The following XCR1 variants were observed in gnomAD, a reference collection of about 807,000 sequenced individuals.
XCR1 encodes the protein X-C motif chemokine receptor 1, also known as chemokine XC receptor 1.
For missense variants in XCR1, 356 were observed against 424.2 expected (o/e 0.84, Z 1.41); for synonymous variants, 187 against 188.5 (o/e 0.99, Z 0.06).
At chr3:46,029,202 A>AT (rs1387436958), upstream of XCR1, among the ~76,000 whole-genome samples, 2 of 152,084 alleles carry the variant, frequency 1.3e-5, no homozygotes, top group African/African-American at 2.4e-5. Flanking sequence ...TGGTCAATTG[A>AT]TTTTTTGTTT....
rs1708211685 is a variant in XCR1, at chr3:46,023,480, A to T, written c.-31-1502T>A. ...CGTCTTTCACTGGAATTGCAAAGGG[A>T]TAGCCACATGAAACAGCTCCTCCTC... On this transcript the variant is annotated intron_variant, in intron 1 of 1. Transcript: ENST00000309285. 3 of 1,563,804 alleles carry T rather than the reference A, an allele frequency of 1.9e-6. No homozygotes were observed. The African/African-American group carries it at 4.1e-5, about 21-fold the overall frequency.
chr3:46,057,954 A>G (rs34381514), intron 4 of XCR1, among the ~76,000 whole-genome samples: 49,333 of 150,830 alleles, frequency 0.33, 9,986 homozygotes, highest in East Asian at 0.66. Context: ...CTATCTATCT[A>G]TCTGCCATCT....
chr3:46,031,296 C>T (rs142714360), upstream of XCR1, among the ~76,000 whole-genome samples: 69 of 152,360 alleles, frequency 4.5e-4, no homozygotes, highest in East Asian at 0.012. Flanking sequence ...GAAGGTCCCC[C>T]GCTGCCCACA....
intron 5 of XCR1, among the ~76,000 whole-genome samples, chr3:46,048,211 C>G (rs777055554): frequency 6.6e-6 from 1 of 152,168 alleles, no homozygotes; most frequent in African/African-American, 2.4e-5. Context: ...CTGGAGCCCA[C>G]TCTCCCTGAT....
At chr3:46,062,899 G>C (rs1238564399) in intron 4 of XCR1, among the ~76,000 whole-genome samples, 1 of 152,222 alleles carries the variant, frequency 6.6e-6, no homozygotes. Context: ...AAGTATGCAG[G>C]AGCTGGCTCA....
chr3:46,021,978 T>C lies in XCR1; in HGVS notation c.-31A>G. 1 of 1,578,408 alleles carries C rather than the reference T, an allele frequency of 6.3e-7. No individual in the cohort carries two copies. The highest frequency in any genetic ancestry group is 1.7e-4 in the Middle Eastern group (1 of 5,850). On this transcript the variant is annotated splice_region_variant and 5_prime_UTR_variant, in exon 2 of 2. An upstream start codon of the reference 5' UTR is lost. Coordinates refer to ENST00000309285, the MANE Select transcript of XCR1 (RefSeq NM_001024644.2). This position sits in a 1 kb window ranked among gnomAD's most constrained non-coding sequence, Gnocchi z 4.7. Reference sequence around the variant, plus strand: ...CCAGATGGCAGGGACGTTTAGAGCATCTGAAATGATAGAGACATGGAGTTT... The same window carrying C: ...CCAGATGGCAGGGACGTTTAGAGCACCTGAAATGATAGAGACATGGAGTTT...
upstream of XCR1, among the ~76,000 whole-genome samples, chr3:46,028,596 T>A (rs1220063956): frequency 2.0e-5 from 3 of 151,612 alleles, no homozygotes; most frequent in Admixed American, 6.6e-5. Flanking sequence ...TTCTTTTCTT[T>A]CCTTTTTTTT....
At chr3:46,022,999 A>G (rs1386627404) in intron 1 of XCR1, among the ~76,000 whole-genome samples, 2 of 152,250 alleles carry the variant, frequency 1.3e-5, no homozygotes. Context: ...GTCTCAGCAG[A>G]GAAAGAAAAG....
intron 5 of XCR1, among the ~76,000 whole-genome samples, chr3:46,041,014 G>A (rs1232462742): frequency 6.6e-6 from 1 of 152,014 alleles, no homozygotes; most frequent in Non-Finnish European, 1.5e-5. Flanking sequence ...GTTTTTCAGA[G>A]TCTGCAGAAT....
chr3:46,064,454 C>G (rs1157957947), intron 4 of XCR1, among the ~76,000 whole-genome samples: 3 of 152,186 alleles, frequency 2.0e-5, no homozygotes, highest in African/African-American at 7.2e-5. Flanking sequence ...TTAAATATGG[C>G]TGCAAATTCT....
intron 5 of XCR1, among the ~76,000 whole-genome samples, chr3:46,050,309 C>T (rs929573913): frequency 6.6e-6 from 1 of 152,196 alleles, no homozygotes; most frequent in Non-Finnish European, 1.5e-5. Flanking sequence ...AGCAGCAATA[C>T]TTAACATCGG....
Position 46,076,343 on chromosome 3 carries a change from G to A in XCR1, c.-328+397C>T, listed in dbSNP as rs924678177. On this transcript the variant is annotated intron_variant, in intron 2 of 5. Coordinates refer to the XCR1 transcript ENST00000683768. Reference sequence around the variant, plus strand: ...TTTGAGAGAAATTGTTGAATGTAAGGTATGAGTCCTGCTGAAATCTGGGCC... The same window carrying A: ...TTTGAGAGAAATTGTTGAATGTAAGATATGAGTCCTGCTGAAATCTGGGCC... Among the ~76,000 whole-genome samples, 40 of 152,142 alleles carry A rather than the reference G, an allele frequency of 2.6e-4. 1 individual carries two copies. The highest frequency in any genetic ancestry group is 2.6e-3 in the Admixed American group (40 of 15,276).
chr3:46,070,239 G>A (rs952263403), intron 3 of XCR1, among the ~76,000 whole-genome samples: 2 of 152,072 alleles, frequency 1.3e-5, no homozygotes, highest in Admixed American at 1.3e-4. Context: ...ATATGCTGAT[G>A]AGAAGAAGGT....
At chr3:46,043,948 C>T (rs372388102) in intron 5 of XCR1, among the ~76,000 whole-genome samples, 2 of 152,006 alleles carry the variant, frequency 1.3e-5, no homozygotes, top group East Asian at 3.9e-4. Flanking sequence ...TTTATAGTAG[C>T]CATCCTAGTG....
chr3:46,065,314 T>A (rs1430256165), intron 4 of XCR1, among the ~76,000 whole-genome samples: 1 of 152,134 alleles, frequency 6.6e-6, no homozygotes, highest in Non-Finnish European at 1.5e-5. Flanking sequence ...ATCCCGCACT[T>A]TCAGGCTCCC....
At chr3:46,050,556 A>G (rs2125899196) in intron 5 of XCR1, among the ~76,000 whole-genome samples, 1 of 152,332 alleles carries the variant, frequency 6.6e-6, no homozygotes, top group Non-Finnish European at 1.5e-5. Context: ...AGGGGCCAAA[A>G]GAATATCATC....
chr3:46,075,299 C>T (rs1401486517), intron 2 of XCR1, among the ~76,000 whole-genome samples: 1 of 114,386 alleles, frequency 8.7e-6, no homozygotes, highest in Non-Finnish European at 1.7e-5. Flanking sequence ...CAACTAGATG[C>T]TCATAGACCA....
Position 46,021,317 on chromosome 3 carries a change from T to G in XCR1, c.631A>C (p.Thr211Pro). The G allele has an allele frequency of 6.2e-7, 1 of 1,614,104 alleles. No individual in the cohort carries two copies. The highest frequency in any genetic ancestry group is 1.1e-5 in the South Asian group (1 of 91,064). ...ILFCYVEILR[T>P]LFRSRSKRRH... ...CGCTTGGAGCGTGAGCGGAACAGGG[T>G]CCTGAGGATCTCCACGTAGCAGAAC... The change falls in exon 2 of 2, where the codon ACC becomes CCC. Residue 211 changes from threonine to proline, a missense_variant. Coordinates refer to ENST00000309285, the MANE Select transcript of XCR1 (RefSeq NM_001024644.2). The surrounding 1 kb of genome is among the most constrained non-coding windows in gnomAD (Gnocchi z 4.7).
rs1708080430 is a variant in XCR1, at chr3:46,018,310, A to G, written c.*2636T>C. On this transcript the variant is annotated 3_prime_UTR_variant, in exon 2 of 2. Coordinates refer to ENST00000309285, the MANE Select transcript of XCR1 (RefSeq NM_001024644.2). ...TCAACCCCCAAACCTGCCTTCTAAG[A>G]AGGGTGGGTTCAAAGCCCAAGGTGC... is the stretch of plus-strand genomic sequence containing the variant. 6.6e-6 allele frequency: 1 copy of G among 152,118 alleles called. No homozygotes were observed. The highest frequency in any genetic ancestry group is 2.4e-5 in the African/African-American group (1 of 41,402). 9.4% of individuals were successfully genotyped at this position (152,118 alleles called of 1,614,324 possible).
Sources: allele counts gnomAD v4.1 joint callset (sites outside exome capture counted in the v4.1 genomes callset), GRCh38; gene constraint gnomAD v4.1.1; non-coding constraint Gnocchi (gnomAD v3.1); transcripts MANE v1.5; gene names NCBI Gene and HGNC (gene_info 2026-07-23, HGNC 2026-07-21).